The following TBC1D8 variants were observed in gnomAD, a reference collection of about 807,000 sequenced individuals.
TBC1D8 encodes BUB2-like protein 1.
Under a neutral mutation model 118.8 loss-of-function variants are expected in TBC1D8, and 65 were observed. The ratio of observed to expected loss-of-function variants is 0.55; its 90% CI spans 0.45 to 0.67. The LOEUF is 0.67. Ranked by LOEUF, TBC1D8 falls within the 30% of genes least tolerant of loss-of-function variation. The pLI is 0.00. For synonymous variants in TBC1D8, 566 were observed against 595.8 expected, an observed-to-expected ratio of 0.95 and a Z score of 0.73; for missense variants, 1,376 against 1,471.2, an observed-to-expected ratio of 0.94 and a Z score of 1.06.
intron 2 of TBC1D8, among the ~76,000 whole-genome samples, chr2:101,075,794 T>G (rs1674775889): frequency 6.6e-6 from 1 of 152,198 alleles, no homozygotes; most frequent in Non-Finnish European, 1.5e-5. Flanking sequence ...TAAAACGGAC[T>G]ACAAATGGGC....
rs1675791728 is a variant in TBC1D8, at chr2:101,088,499, G to A, written c.283+1710C>T. 3.9e-5 allele frequency among the ~76,000 whole-genome samples: 6 copies of A among 152,096 alleles called. No individual in the cohort carries two copies. In the South Asian group the frequency reaches 1.0e-3, roughly 26 times the overall value. On this transcript the variant is annotated intron_variant, in intron 2 of 19. Coordinates refer to ENST00000409318, the MANE Select transcript of TBC1D8 (RefSeq NM_001330348.2). ...GACGGGGTTTCACCATCTTGGCCAG[G>A]CTGGTCTTGAACTCCTGACCTCGTG...
intron 15 of TBC1D8, 31 bp downstream of exon 15, chr2:101,027,352 T>C: frequency 6.2e-7 from 1 of 1,607,230 alleles, no homozygotes; most frequent in Non-Finnish European, 8.5e-7. Context: ...GCTCAGGGCC[T>C]GGAACCCCTC....
At chr2:101,014,522 T>A (rs1270323928) in intron 17 of TBC1D8, among the ~76,000 whole-genome samples, 1 of 152,234 alleles carries the variant, frequency 6.6e-6, no homozygotes, top group Non-Finnish European at 1.5e-5. Flanking sequence ...TCCAGCTAAA[T>A]CTTTAGAATG....
intron 1 of TBC1D8, among the ~76,000 whole-genome samples, chr2:101,093,705 A>T (rs1271600048): frequency 6.6e-6 from 1 of 151,218 alleles, no homozygotes; most frequent in Non-Finnish European, 1.5e-5. Context: ...ACAGAGCAAG[A>T]CTCCATCTCA....
intron 4 of TBC1D8, among the ~76,000 whole-genome samples, chr2:101,052,949 C>A (rs1034863073): frequency 6.6e-6 from 1 of 152,148 alleles, no homozygotes; most frequent in Non-Finnish European, 1.5e-5. Flanking sequence ...GTATATGCTC[C>A]ACCTACACCA....
rs746069866 is a variant in TBC1D8, at chr2:101,022,481, G to A, written c.2561C>T (p.Pro854Leu). Residue 854 changes from proline to leucine, a missense_variant, in exon 16 of 20, where the codon CCC (proline) becomes CTC (leucine). Transcript: ENST00000409318. The stretch of plus-strand genomic sequence containing the variant: ...GCTGGGGTCGTGGCGTGAGGCCATG[G>A]GCCTGGGCTGCTCCCAGTAACAGCT... ...MMSCYWEQPR[P>L]MASRHDPSRP... 6.2e-7 allele frequency: 1 copy of A among 1,604,720 alleles called. No homozygotes were observed. The highest frequency in any genetic ancestry group is 1.8e-5 in the Admixed American group (1 of 56,462).
At chr2:101,066,354 C>T (rs1290179618) in intron 2 of TBC1D8, among the ~76,000 whole-genome samples, 1 of 151,792 alleles carries the variant, frequency 6.6e-6, no homozygotes, top group Non-Finnish European at 1.5e-5. Flanking sequence ...AAGGTACAGG[C>T]CTGTTAAGAA....
chr2:101,016,093 A>C (rs565467204), intron 17 of TBC1D8, among the ~76,000 whole-genome samples: 3 of 152,114 alleles, frequency 2.0e-5, no homozygotes, highest in Non-Finnish European at 4.4e-5. Flanking sequence ...TAAACTAAAG[A>C]GCTTCTGCAC....
chr2:101,103,509 A>C (rs1179746869), intron 1 of TBC1D8, among the ~76,000 whole-genome samples: 1 of 150,994 alleles, frequency 6.6e-6, no homozygotes, highest in Non-Finnish European at 1.5e-5. Context: ...CTCCTGCTTC[A>C]GCCTCCCGAG....
intron 1 of TBC1D8, among the ~76,000 whole-genome samples, chr2:101,150,897 G>T (rs2104295276): frequency 6.6e-6 from 1 of 152,216 alleles, no homozygotes; most frequent in South Asian, 2.1e-4. Flanking sequence ...GAAGACACCT[G>T]CCTCGCCCGG....
intron 9 of TBC1D8, among the ~76,000 whole-genome samples, chr2:101,034,329 TACAC>T (rs1269319736): frequency 1.3e-5 from 2 of 152,180 alleles, no homozygotes; most frequent in Admixed American, 6.5e-5. Flanking sequence ...AGCATGCACA[TACAC>T]ACACGCAAAT....
intron 17 of TBC1D8, among the ~76,000 whole-genome samples, chr2:101,014,816 T>C (rs1290245767): frequency 6.6e-6 from 1 of 152,170 alleles, no homozygotes; most frequent in African/African-American, 2.4e-5. Context: ...AGAATCAAGA[T>C]AGTGGGTATA....
At position 101,019,106 on chromosome 2, in the gene TBC1D8, G is replaced by A. The variant is rs1573874563; in HGVS notation, c.2827+2575C>T. On this transcript the variant is annotated intron_variant, in intron 17 of 19. Transcript: ENST00000409318. ...CTTCATTGCTTCCTGAGCTGCAGCAGATGCCTTTACAACCAAGCTCACCGA... is the reference window on the plus strand; with the variant it reads ...CTTCATTGCTTCCTGAGCTGCAGCAAATGCCTTTACAACCAAGCTCACCGA... 6 of 1,567,818 alleles carry A rather than the reference G, an allele frequency of 3.8e-6. No homozygotes were observed. The South Asian group carries it at 5.9e-5, about 15-fold the overall frequency.
At chr2:101,039,580 T>C (rs529187765) in intron 6 of TBC1D8, among the ~76,000 whole-genome samples, 1 of 152,316 alleles carries the variant, frequency 6.6e-6, no homozygotes, top group African/African-American at 2.4e-5. Flanking sequence ...CTCACCAGAA[T>C]TGCTGCCCTG....
At chr2:101,057,101 T>G (rs1682481672) in intron 3 of TBC1D8, among the ~76,000 whole-genome samples, 1 of 152,192 alleles carries the variant, frequency 6.6e-6, no homozygotes, top group Non-Finnish European at 1.5e-5. Flanking sequence ...CACTTTGGCA[T>G]AAGGATTATT....
At chr2:101,069,201 A>G (rs1449169548) in intron 2 of TBC1D8, among the ~76,000 whole-genome samples, 1 of 151,096 alleles carries the variant, frequency 6.6e-6, no homozygotes. Context: ...GCTGAGGCAT[A>G]AGAATCCCTT....
chr2:101,064,965 C>T (rs1294593363), intron 2 of TBC1D8, among the ~76,000 whole-genome samples: 1 of 152,208 alleles, frequency 6.6e-6, no homozygotes, highest in Non-Finnish European at 1.5e-5. Flanking sequence ...TCGGGCCTGG[C>T]TCTGCCCATG....
At chr2:101,084,380 C>T (rs1384886094) in intron 2 of TBC1D8, among the ~76,000 whole-genome samples, 3 of 152,212 alleles carry the variant, frequency 2.0e-5, no homozygotes, top group Non-Finnish European at 4.4e-5. Flanking sequence ...GAAAACCCGT[C>T]TCCACTAAAA....
At chr2:101,073,079 G>A (rs146653408) in intron 2 of TBC1D8, among the ~76,000 whole-genome samples, 1 of 152,020 alleles carries the variant, frequency 6.6e-6, no homozygotes, top group African/African-American at 2.4e-5. Flanking sequence ...TAGTTCTTAA[G>A]GGCCCTAGGA....
Sources: allele counts gnomAD v4.1 joint callset (sites outside exome capture counted in the v4.1 genomes callset), GRCh38; gene constraint gnomAD v4.1.1; transcripts MANE v1.5; gene names NCBI Gene and HGNC (gene_info 2026-07-23, HGNC 2026-07-21).